FGD4: variants seen among roughly 807,000 people sequenced by gnomAD.
The protein encoded by FGD4 is FYVE, RhoGEF and PH domain containing 4, also known as FYVE, RhoGEF and PH domain-containing protein 4.
A neutral mutation model predicts 102.0 loss-of-function variants in FGD4; 42 were observed. That is an observed-to-expected ratio of 0.41 (90% confidence interval 0.32 to 0.53). FGD4 has a LOEUF of 0.53. FGD4 is among the 20% of genes least tolerant of loss of function. The pLI is 0.21. For synonymous variants in FGD4, 380 were observed against 375.7 expected, an observed-to-expected ratio of 1.01 and a Z score of -0.13; for missense variants, 902 against 1,078.2, an observed-to-expected ratio of 0.84 and a Z score of 2.29.
chr12:32,448,107 T>A (rs1942672991), intron 1 of FGD4, among the ~76,000 whole-genome samples: 1 of 152,230 alleles, frequency 6.6e-6, no homozygotes, highest in Admixed American at 6.5e-5. Context: ...ATGCTGCAGA[T>A]GTTAACCATG....
At chr12:32,521,185 G>A (rs1040970076) in intron 1 of FGD4, among the ~76,000 whole-genome samples, 6 of 151,956 alleles carry the variant, frequency 3.9e-5, no homozygotes, top group Non-Finnish European at 5.9e-5. Context: ...TCAGGAGATC[G>A]AGACCATCCT....
intron 1 of FGD4, among the ~76,000 whole-genome samples, chr12:32,463,323 A>G (rs772469765): frequency 1.3e-5 from 2 of 152,242 alleles, no homozygotes; most frequent in African/African-American, 2.4e-5. Flanking sequence ...TGTGGATTTC[A>G]TATTGAAGAT....
chr12:32,468,928 C>T (rs535838380), intron 1 of FGD4, among the ~76,000 whole-genome samples: 112 of 151,838 alleles, frequency 7.4e-4, no homozygotes, highest in Non-Finnish European at 1.3e-3. Context: ...CGAGTTCAAG[C>T]GATTTTCCTG....
chr12:32,530,650 T>A (rs911232000), intron 1 of FGD4, among the ~76,000 whole-genome samples: 4 of 152,200 alleles, frequency 2.6e-5, no homozygotes, highest in Non-Finnish European at 2.9e-5. Flanking sequence ...TTCAGTGGCA[T>A]GGATTTTAGG....
rs530123887 is a variant in FGD4, at chr12:32,563,399, G to A, written c.167-738G>A. Among the ~76,000 whole-genome samples, 686 of 151,034 alleles carry A rather than the reference G, an allele frequency of 4.5e-3. 7 individuals carry two copies. Among genetic ancestry groups the A allele is most frequent in the Non-Finnish European group, 5.0e-3 (337 of 67,614 alleles). ...CAGAGGTGCTCCCCACATCTCAGAC[G>A]ATGGGCGGCCGGGCAGAGACGCTCC... is the stretch of plus-strand genomic sequence containing the variant. On this transcript the variant is annotated intron_variant, in intron 1 of 16. Coordinates refer to ENST00000534526, the MANE Select transcript of FGD4 (RefSeq NM_001370298.3).
At chr12:32,510,844 A>G (rs1261643488) in intron 1 of FGD4, among the ~76,000 whole-genome samples, 1 of 152,208 alleles carries the variant, frequency 6.6e-6, no homozygotes, top group Non-Finnish European at 1.5e-5. Flanking sequence ...TTCAACCCCG[A>G]TGTTCTGTTG....
chr12:32,521,749 C>A (rs1360607007), intron 1 of FGD4, among the ~76,000 whole-genome samples: 1 of 152,138 alleles, frequency 6.6e-6, no homozygotes, highest in Non-Finnish European at 1.5e-5. Flanking sequence ...CGAATCCTTA[C>A]CCATTTGTGG....
At chr12:32,517,451 A>G (rs963981935) in intron 1 of FGD4, among the ~76,000 whole-genome samples, 2 of 152,212 alleles carry the variant, frequency 1.3e-5, no homozygotes, top group African/African-American at 4.8e-5. Context: ...TTTTTTACAC[A>G]TATATCCTTA....
At chr12:32,491,714 C>G (rs548719123) in intron 1 of FGD4, among the ~76,000 whole-genome samples, 1 of 152,208 alleles carries the variant, frequency 6.6e-6, no homozygotes, top group South Asian at 2.1e-4. Context: ...ACATTGTGGG[C>G]TATAATGTTC....
Position 32,469,806 on chromosome 12 carries a change from T to C in FGD4, c.166+69847T>C, listed in dbSNP as rs542263538. Among the ~76,000 whole-genome samples the C allele has an allele frequency of 1.7e-4, 26 of 151,982 alleles. No homozygotes were observed. In the South Asian group the frequency reaches 4.0e-3, roughly 23 times the overall value. On this transcript the variant is annotated intron_variant, in intron 1 of 16. Coordinates refer to ENST00000534526, the MANE Select transcript of FGD4 (RefSeq NM_001370298.3). ...TCCCGAGTAGCTGGGATTACAGGCA[T>C]GCGGCACCATGCCTGGCTAATTTTG...
chr12:32,508,704 G>T (rs1269626567), intron 1 of FGD4, among the ~76,000 whole-genome samples: 2 of 152,198 alleles, frequency 1.3e-5, no homozygotes, highest in Non-Finnish European at 2.9e-5. Flanking sequence ...CTTGCATTTA[G>T]AGGTCATGCT....
At chr12:32,525,510 G>A (rs1941049392) in intron 1 of FGD4, among the ~76,000 whole-genome samples, 1 of 152,246 alleles carries the variant, frequency 6.6e-6, no homozygotes, top group South Asian at 2.1e-4. Flanking sequence ...ACAGCGTGCT[G>A]GCAGTCCTCA....
chr12:32,530,329 G>A (rs139577451), intron 1 of FGD4, among the ~76,000 whole-genome samples: 1 of 151,884 alleles, frequency 6.6e-6, no homozygotes, highest in African/African-American at 2.4e-5. Context: ...CTAAAAAAAC[G>A]AAAATTAGCC....
intron 15 of FGD4, among the ~76,000 whole-genome samples, chr12:32,636,877 T>C (rs1950857179): frequency 2.0e-5 from 3 of 150,066 alleles, no homozygotes; most frequent in African/African-American, 7.4e-5. Context: ...TTTTTTCTTT[T>C]TTTTTTTTTT....
At chr12:32,598,097 TA>T (rs2136601866) in intron 4 of FGD4, among the ~76,000 whole-genome samples, 1 of 152,300 alleles carries the variant, frequency 6.6e-6, no homozygotes, top group African/African-American at 2.4e-5. Context: ...GCTGGCCTAA[TA>T]AAATATTTTT....
chr12:32,601,362 T>C lies in FGD4; in HGVS notation c.1186T>C (p.Ser396Pro), dbSNP rs1261984105. ...MVNKIFSNIS[S>P]INAFHSKFLL... ...GAATAAAATCTTTTCTAATATTTCA[T>C]CAATAAATGCCTTCCATAGTAAATT... The change falls in exon 6 of 17, where the codon TCA becomes CCA. Residue 396 changes from serine to proline, a missense_variant. Physicochemically the swap from Ser to Pro is moderately conservative, Grantham distance 74. Around this residue, in one of 2 missense-constraint regions of FGD4, gnomAD observed 459 missense variants for 619.0 expected, o/e 0.74. Coordinates refer to ENST00000534526, the MANE Select transcript of FGD4 (RefSeq NM_001370298.3). The C allele has an allele frequency of 6.2e-7, 1 of 1,614,018 alleles. No individual in the cohort carries two copies. Among genetic ancestry groups the C allele is most frequent in the African/African-American group, 1.3e-5 (1 of 74,928 alleles).
chr12:32,634,945 G>A (rs568794414), intron 15 of FGD4, among the ~76,000 whole-genome samples: 3 of 152,010 alleles, frequency 2.0e-5, no homozygotes, highest in South Asian at 4.2e-4. Context: ...CCAAGATTGC[G>A]CCACTGCACT....
intron 1 of FGD4, among the ~76,000 whole-genome samples, chr12:32,475,265 A>T (rs1943555798): frequency 6.6e-6 from 1 of 152,142 alleles, no homozygotes; most frequent in East Asian, 1.9e-4. Context: ...TGGCTCTATT[A>T]GTCCAAGCTG....
At chr12:32,606,695 T>C (rs182982791) in intron 7 of FGD4, among the ~76,000 whole-genome samples, 253 of 152,340 alleles carry the variant, frequency 1.7e-3, no homozygotes, top group South Asian at 4.3e-3. Context: ...ATAGCTTTGA[T>C]GCTTTGCAGT....
Sources: gnomAD v4.1 joint callset for allele counts (sites outside exome capture counted in the v4.1 genomes callset) on GRCh38, gnomAD v4.1.1 for gene constraint, gnomAD v4.1.1 regional missense constraint, MANE v1.5 for transcripts, NCBI Gene and HGNC (gene_info 2026-07-23, HGNC 2026-07-21) for gene names.